RYR2: variants seen among roughly 807,000 people sequenced by gnomAD.
RYR2 encodes cardiac muscle ryanodine receptor-calcium release channel.
A neutral mutation model predicts 601.1 loss-of-function variants in RYR2; 227 were observed. That is an observed-to-expected ratio of 0.38 (90% CI 0.34 to 0.42). The LOEUF (loss-of-function observed/expected upper bound fraction) is 0.42, where lower values mean the gene tolerates loss of function less well. RYR2 is among the 10% of genes least tolerant of loss of function. The probability of loss-of-function intolerance (pLI) is 1.00; values close to 1 mark genes in which losing one functional copy is unlikely to be tolerated. For synonymous variants in RYR2, 2,223 were observed against 2,175.1 expected (o/e 1.02, Z -0.61); for missense variants, 4,646 against 6,156.5 (o/e 0.75, Z 8.21).
intron 2 of RYR2, among the ~76,000 whole-genome samples, chr1:237,315,683 C>T (rs1479499987): frequency 6.6e-6 from 1 of 151,974 alleles, no homozygotes; most frequent in Non-Finnish European, 1.5e-5. Context: ...ATATGTTGTC[C>T]ATAAATATGT....
chr1:237,488,361 TC>T (rs1662929550), intron 17 of RYR2, among the ~76,000 whole-genome samples: 1 of 152,172 alleles, frequency 6.6e-6, no homozygotes, highest in African/African-American at 2.4e-5. Flanking sequence ...AGATATGGCA[TC>T]CTGAGGGCCT....
At chr1:237,450,473 A>G (rs1192923974) in intron 14 of RYR2, among the ~76,000 whole-genome samples, 1 of 147,278 alleles carries the variant, frequency 6.8e-6, no homozygotes. Flanking sequence ...TCCTTTATTC[A>G]TTGCTCTCCA....
intron 1 of RYR2, among the ~76,000 whole-genome samples, chr1:237,187,123 A>T (rs533442887): frequency 6.6e-6 from 1 of 152,254 alleles, no homozygotes; most frequent in East Asian, 1.9e-4. Context: ...TACCTTCCAA[A>T]TTCAGATTAG....
intron 3 of RYR2, among the ~76,000 whole-genome samples, 161 bp downstream of exon 3, chr1:237,331,143 T>G (rs1446777659): frequency 6.6e-6 from 1 of 152,206 alleles, no homozygotes; most frequent in African/African-American, 2.4e-5. Flanking sequence ...ATCTAGCATA[T>G]TTGTGGTGTC....
At chr1:237,133,940 A>AAAAAC (rs1672465133) in intron 1 of RYR2, among the ~76,000 whole-genome samples, 1 of 150,690 alleles carries the variant, frequency 6.6e-6, no homozygotes, top group Non-Finnish European at 1.5e-5. Flanking sequence ...AAAAAAAAAA[A>AAAAAC]CCAAGTGGGA....
chr1:237,269,562 A>G (rs1188689474), intron 1 of RYR2, among the ~76,000 whole-genome samples: 5 of 152,054 alleles, frequency 3.3e-5, no homozygotes, highest in African/African-American at 1.2e-4. Flanking sequence ...TGAGGTTGAG[A>G]TGTCAAAACA....
chr1:237,168,193 G>A (rs1676928890), intron 1 of RYR2, among the ~76,000 whole-genome samples: 1 of 152,132 alleles, frequency 6.6e-6, no homozygotes, highest in Non-Finnish European at 1.5e-5. Flanking sequence ...TAGAGTGGAG[G>A]ACAAATGTTG....
intron 29 of RYR2, among the ~76,000 whole-genome samples, chr1:237,572,920 A>C (rs958369089): frequency 6.6e-6 from 1 of 152,090 alleles, no homozygotes; most frequent in African/African-American, 2.4e-5. Flanking sequence ...ACCTGTCACT[A>C]CTGGGAGCTA....
At chr1:237,689,866 A>C (rs375299538) in intron 63 of RYR2, among the ~76,000 whole-genome samples, 7 of 147,318 alleles carry the variant, frequency 4.8e-5, no homozygotes, top group African/African-American at 1.8e-4. Context: ...TTTTTGAAAG[A>C]GTTTCACTCT....
chr1:237,289,527 G>C (rs1427442741), intron 2 of RYR2, among the ~76,000 whole-genome samples: 2 of 152,142 alleles, frequency 1.3e-5, no homozygotes, highest in African/African-American at 4.8e-5. Context: ...GCTGTGCAAA[G>C]AGGGAAAAGG....
At chr1:237,767,496 C>T (rs897354145) in intron 84 of RYR2, among the ~76,000 whole-genome samples, 10 of 152,070 alleles carry the variant, frequency 6.6e-5, no homozygotes, top group Admixed American at 6.6e-4. Context: ...CAGTCGATAG[C>T]TATATGACAT....
intron 63 of RYR2, among the ~76,000 whole-genome samples, chr1:237,695,508 T>G (rs1521743): frequency 0.98 from 149,331 of 152,222 alleles, 73,309 homozygotes; most frequent in East Asian, 1. Context: ...GAGCAATGAA[T>G]CAATTATGTA....
chr1:237,561,625 C>G (rs2805473), intron 27 of RYR2, among the ~76,000 whole-genome samples: 126,065 of 152,092 alleles, frequency 0.83, 53,718 homozygotes, highest in South Asian at 0.92. Context: ...TACAGATGGG[C>G]AGAGAGAACA....
intron 1 of RYR2, among the ~76,000 whole-genome samples, chr1:237,055,469 A>G (rs1018673709): frequency 6.6e-6 from 1 of 152,102 alleles, no homozygotes; most frequent in African/African-American, 2.4e-5. Flanking sequence ...CTGGTGCAAG[A>G]TAATTCGGGC....
intron 2 of RYR2, among the ~76,000 whole-genome samples, chr1:237,317,045 C>T (rs986292732): frequency 6.6e-6 from 1 of 152,156 alleles, no homozygotes; most frequent in African/African-American, 2.4e-5. Context: ...CCCACCTCCA[C>T]AAAAGGCTGA....
At chr1:237,570,504 A>G (rs1037681070) in intron 29 of RYR2, among the ~76,000 whole-genome samples, 1 of 151,604 alleles carries the variant, frequency 6.6e-6, no homozygotes, top group African/African-American at 2.4e-5. Context: ...ATGCCCAGCT[A>G]ATTTTTGTAT....
chr1:237,422,989 T>G, intron 11 of RYR2, 103 bp from the exon 12 acceptor site: 1 of 1,334,026 alleles, frequency 7.5e-7, no homozygotes, highest in East Asian at 2.5e-5. Context: ...TTGAGAACAT[T>G]AAGACAATAT....
At chr1:237,592,457 A>G (rs1261728619) in intron 32 of RYR2, among the ~76,000 whole-genome samples, 2 of 152,018 alleles carry the variant, frequency 1.3e-5, no homozygotes, top group African/African-American at 4.8e-5. Flanking sequence ...ACATGGTGAA[A>G]CGCTGTCTCT....
intron 1 of RYR2, among the ~76,000 whole-genome samples, chr1:237,188,594 C>T (rs1014673653): frequency 6.6e-6 from 1 of 152,038 alleles, no homozygotes; most frequent in South Asian, 2.1e-4. Context: ...GATGGAGTTT[C>T]ACTCTTTGTT....
Sources: gnomAD v4.1 joint callset for allele counts (sites outside exome capture counted in the v4.1 genomes callset) on GRCh38, gnomAD v4.1.1 for gene constraint, MANE v1.5 for transcripts, NCBI Gene and HGNC (gene_info 2026-07-23, HGNC 2026-07-21) for gene names.